MTOR: variants seen among roughly 807,000 people sequenced by gnomAD.
MTOR encodes the protein serine/threonine-protein kinase mTOR.
A neutral mutation model predicts 319.8 loss-of-function variants in MTOR; 70 were observed. The observed-to-expected ratio is 0.22, with a 90% CI of 0.18 to 0.27. The LOEUF (loss-of-function observed/expected upper bound fraction) is 0.27. Ranked by LOEUF, MTOR falls within the 10% of genes least tolerant of loss-of-function variation. MTOR has a pLI of 1.00. For synonymous variants in MTOR, 1,183 were observed against 1,211.4 expected (o/e 0.98, Z 0.49); for missense variants, 1,890 against 3,274.4 (o/e 0.58, Z 10.32).
intron 28 of MTOR, among the ~76,000 whole-genome samples, chr1:11,176,550 T>C (rs763910297): frequency 2.0e-5 from 3 of 152,184 alleles, no homozygotes; most frequent in Non-Finnish European, 4.4e-5. Context: ...TGAGTTTCAT[T>C]TGGTTCCCTG....
In MTOR at chr1:11,258,471, G is replaced by A. The variant is rs761565447; in HGVS notation, c.271+14C>T. The A allele has an allele frequency of 8.2e-6, 13 of 1,584,464 alleles. No individual in the cohort carries two copies. The South Asian group carries it at 1.1e-4, about 14-fold the overall frequency. ...TGAGTGTGTTGTTTTTGTGACCAGA[G>A]ACTCTGTCCTTACCTATGGCCAAGA... On this transcript the variant is annotated intron_variant, in intron 3 of 57. Coordinates refer to ENST00000361445, the MANE Select transcript of MTOR (RefSeq NM_004958.4).
At position 11,115,796 on chromosome 1, in the gene MTOR, T is replaced by A. The variant is rs776607715; in HGVS notation, c.7017-328A>T. ...ACTCCTGCTGAAATGTGGGCTTATG[T>A]GTGAATCACAGGTTGTCCCACTGTA... On this transcript the variant is annotated intron_variant, in intron 50 of 57. Coordinates refer to ENST00000361445, the MANE Select transcript of MTOR (RefSeq NM_004958.4). The surrounding 1 kb of genome is among the most constrained non-coding windows in gnomAD (Gnocchi z 4.5). The A allele has an allele frequency of 1.8e-5, 5 of 284,084 alleles. No homozygotes were observed. The highest frequency in any genetic ancestry group is 3.5e-5 in the Non-Finnish European group (5 of 144,788). 17.6% of individuals were successfully genotyped at this position (284,084 alleles called of 1,614,324 possible).
At chr1:11,142,254 C>A (rs1178766949) in intron 34 of MTOR, among the ~76,000 whole-genome samples, 2 of 151,896 alleles carry the variant, frequency 1.3e-5, no homozygotes, top group Non-Finnish European at 2.9e-5. Flanking sequence ...GTGGCTCATG[C>A]CTGTAATCCC....
At chr1:11,145,143 TA>T in intron 32 of MTOR, 98 bp from the exon 33 acceptor site, 1 of 1,021,260 alleles carries the variant, frequency 9.8e-7, no homozygotes, top group South Asian at 1.4e-5. Flanking sequence ...CTGTCTCACT[TA>T]AATTCCAGGG....
intron 28 of MTOR, chr1:11,194,692 C>T (rs772748275): frequency 6.2e-7 from 1 of 1,613,178 alleles, no homozygotes; most frequent in Non-Finnish European, 8.5e-7. Flanking sequence ...AGGAGAAGTT[C>T]AGGTACAAGC....
Position 11,247,987 on chromosome 1 carries a change from G to A in MTOR, c.948C>T (p.Phe316=), listed in dbSNP as rs1649070133. The part of the protein sequence containing the change: ...FGTKPRHITP[F]TSFQAVQPQQ... ...GGGGCTGTACAGCCTGGAAACTGGT[G>A]AAGGGGGTAATGTGACGAGGTTTTG... The change falls in exon 7 of 58, where the codon TTC becomes TTT. Residue 316 remains phenylalanine (F), a synonymous_variant. Transcript: ENST00000361445. 1.9e-6 allele frequency: 3 copies of A among 1,614,088 alleles called. No homozygotes were observed. The highest frequency in any genetic ancestry group is 1.6e-4 in the Middle Eastern group (1 of 6,084).
In MTOR at chr1:11,124,950, C is replaced by T. The variant is rs1642745783; in HGVS notation, c.6527-317G>A. 2.0e-5 allele frequency among the ~76,000 whole-genome samples: 3 copies of T among 152,348 alleles called. No homozygotes were observed. The South Asian group carries it at 6.2e-4, about 32-fold the overall frequency. The stretch of plus-strand genomic sequence containing the variant: ...TCTGTTCTGAGAAGCCTGACTCCTA[C>T]AAGCCGCATCACCTGGGATCCCACT... On this transcript the variant is annotated intron_variant, in intron 46 of 57. Transcript: ENST00000361445.
chr1:11,237,548 CAA>C (rs944979261), intron 13 of MTOR, among the ~76,000 whole-genome samples: 1 of 151,858 alleles, frequency 6.6e-6, no homozygotes, highest in African/African-American at 2.4e-5. Flanking sequence ...ACCCAGCAAG[CAA>C]AGAGGGCCAA....
chr1:11,233,733 C>T (rs773262254), intron 14 of MTOR, among the ~76,000 whole-genome samples: 4 of 152,130 alleles, frequency 2.6e-5, no homozygotes, highest in Non-Finnish European at 4.4e-5. Context: ...TCCTCTAAAC[C>T]GAGTCTCAGT....
In MTOR at chr1:11,120,550, C is replaced by G. The variant is rs1426777735; in HGVS notation, c.6933+696G>C. Among the ~76,000 whole-genome samples the G allele has an allele frequency of 4.6e-5, 7 of 151,120 alleles. No individual in the cohort carries two copies. In the East Asian group the frequency reaches 1.4e-3, roughly 29 times the overall value. ...AAAAAAAAAAAGAGATGGAGTCTCA[C>G]TATGTTGCCCAGGCTGGTATTGAAC... On this transcript the variant is annotated intron_variant, in intron 49 of 57. Transcript: ENST00000361445.
chr1:11,146,590 A>G, intron 32 of MTOR, 86 bp downstream of exon 32: 2 of 1,003,236 alleles, frequency 2.0e-6, no homozygotes, highest in South Asian at 1.3e-5. Flanking sequence ...CCTGAAGTAC[A>G]ACAGCTTCTT....
chr1:11,148,910 T>G (rs1040984505), intron 31 of MTOR, among the ~76,000 whole-genome samples: 3 of 111,876 alleles, frequency 2.7e-5, no homozygotes, highest in Non-Finnish European at 6.1e-5. Flanking sequence ...AAAAAAAAAA[T>G]TATGTGTGTG....
At position 11,212,239 on chromosome 1, in the gene MTOR, G is replaced by A; in HGVS notation, c.3561+73C>T. ...TGGTGGCTGGCATCAGACAAAGTCT[G>A]AGTGGCTCACAGACAAAGTCTTCTT... On this transcript the variant is annotated intron_variant, in intron 23 of 57. Transcript: ENST00000361445. The surrounding 1 kb of genome is among the most constrained non-coding windows in gnomAD (Gnocchi z 4.1). 2.0e-6 allele frequency: 3 copies of A among 1,521,292 alleles called. No homozygotes were observed. Among genetic ancestry groups the A allele is most frequent in the Non-Finnish European group, 2.7e-6 (3 of 1,130,208 alleles). 94.2% of individuals were successfully genotyped at this position (1,521,292 alleles called of 1,614,324 possible).
At position 11,107,358 on chromosome 1, in the gene MTOR, C is replaced by A; in HGVS notation, c.*127G>T. On this transcript the variant is annotated 3_prime_UTR_variant, in exon 58 of 58. Transcript: ENST00000361445. ...AACCAACTTTTAATATACAGTAGTT[C>A]TTTTCATTTACATTTCAAAATATTT... 1.3e-6 allele frequency: 2 copies of A among 1,542,080 alleles called. No homozygotes were observed. The highest frequency in any genetic ancestry group is 1.7e-6 in the Non-Finnish European group (2 of 1,151,566).
chr1:11,128,648 G>T lies in MTOR; in HGVS notation c.5812-96C>A. 7.7e-7 allele frequency: 1 copy of T among 1,294,674 alleles called. No individual in the cohort carries two copies. The allele number at this position is 1,294,674 out of a possible 1,614,324, so 80.2% of individuals were successfully genotyped here. On this transcript the variant is annotated intron_variant, in intron 41 of 57. Transcript: ENST00000361445. This position sits in a 1 kb window ranked among gnomAD's most constrained non-coding sequence, Gnocchi z 5.3. ...TCAATTCTTTTAACTTGTTTCGGTT[G>T]ATGCTCTGAAATGGTTCATTCCCTT... is the stretch of plus-strand genomic sequence containing the variant.
At chr1:11,145,922 A>G (rs1288902513) in intron 32 of MTOR, among the ~76,000 whole-genome samples, 2 of 152,166 alleles carry the variant, frequency 1.3e-5, no homozygotes, top group Non-Finnish European at 2.9e-5. Flanking sequence ...TGTCCTTATG[A>G]GGGAGTGTCT....
chr1:11,238,252 G>T, intron 12 of MTOR, 150 bp downstream of exon 12: 1 of 928,230 alleles, frequency 1.1e-6, no homozygotes. Flanking sequence ...GGCTACAGTA[G>T]CCATGCCTAA....
chr1:11,227,210 A>T (rs1403718862), intron 19 of MTOR, among the ~76,000 whole-genome samples: 1 of 147,762 alleles, frequency 6.8e-6, no homozygotes, highest in Non-Finnish European at 1.5e-5. Flanking sequence ...AGGCAGGAGA[A>T]TTGCTTGAAC....
chr1:11,223,098 C>T (rs1032599951), intron 19 of MTOR, among the ~76,000 whole-genome samples: 3 of 151,196 alleles, frequency 2.0e-5, no homozygotes, highest in Non-Finnish European at 2.9e-5. Context: ...TAAGACACTT[C>T]GAAGATACAA....
Sources: gnomAD v4.1 joint callset for allele counts (sites outside exome capture counted in the v4.1 genomes callset) on GRCh38, gnomAD v4.1.1 for gene constraint, Gnocchi (gnomAD v3.1) non-coding constraint, MANE v1.5 for transcripts, NCBI Gene and HGNC (gene_info 2026-07-23, HGNC 2026-07-21) for gene names.